The following WDR7 variants were observed in gnomAD, a reference collection of about 807,000 sequenced individuals.
WDR7 encodes the protein WD repeat-containing protein 7.
Under a neutral mutation model 169.4 loss-of-function variants are expected in WDR7, and 46 were observed. The ratio of observed to expected loss-of-function variants is 0.27; its 90% CI spans 0.21 to 0.35. The LOEUF (loss-of-function observed/expected upper bound fraction) is 0.35, where lower values mean the gene tolerates loss of function less well. WDR7 is among the 10% of genes least tolerant of loss of function. The pLI, the probability that WDR7 is intolerant of heterozygous loss-of-function variation, is 1.00. For missense variants in WDR7, 1,534 were observed against 1,859.3 expected (o/e 0.83, Z 3.22); for synonymous variants, 612 against 666.8 (o/e 0.92, Z 1.27).
intron 21 of WDR7, among the ~76,000 whole-genome samples, chr18:56,880,659 A>G (rs913262520): frequency 2.0e-5 from 3 of 152,240 alleles, no homozygotes; most frequent in Non-Finnish European, 4.4e-5. Context: ...TAATACATAT[A>G]AATAATACAT....
At chr18:56,735,737 C>T (rs1211264651) in intron 14 of WDR7, among the ~76,000 whole-genome samples, 1 of 152,122 alleles carries the variant, frequency 6.6e-6, no homozygotes, top group Non-Finnish European at 1.5e-5. Flanking sequence ...TTGTGGACTG[C>T]CTCTTTCACA....
chr18:57,027,118 G>A lies in WDR7; in HGVS notation c.4384G>A (p.Ala1462Thr). The change falls in exon 28 of 28, where the codon GCC (alanine) becomes ACC (threonine). Residue 1462 changes from alanine to threonine, a missense_variant. Transcript: ENST00000254442. The stretch of plus-strand genomic sequence containing the variant: ...GCCCGCGTCCCCCGGCTCCCACAAT[G>A]CCCTCAAGCTGGCCCGGCTCATCTG... ...VQPASPGSHN[A>T]LKLARLIWTS... The A allele has an allele frequency of 1.2e-6, 2 of 1,614,182 alleles. No individual in the cohort carries two copies. The highest frequency in any genetic ancestry group is 2.2e-5 in the South Asian group (2 of 91,088).
At chr18:56,987,891 A>G (rs2047747400) in intron 26 of WDR7, among the ~76,000 whole-genome samples, 1 of 152,226 alleles carries the variant, frequency 6.6e-6, no homozygotes, top group Non-Finnish European at 1.5e-5. Flanking sequence ...TCAAAGTTAA[A>G]TTTCATGTTA....
At chr18:56,765,429 T>C (rs1389211214) in intron 16 of WDR7, among the ~76,000 whole-genome samples, 3 of 152,086 alleles carry the variant, frequency 2.0e-5, no homozygotes, top group Admixed American at 2.0e-4. Flanking sequence ...TTTTAGAGTC[T>C]GTAGTCTATG....
rs2048420532 is a variant in WDR7, at chr18:57,029,680, G to A, written c.*2473G>A. On this transcript the variant is annotated 3_prime_UTR_variant, in exon 28 of 28. Transcript: ENST00000254442. ...ATTGAACTCCCTGTGTACAGCGAGT[G>A]AATTAAAATGTCTGCCTCTCCAGAC... 6.6e-6 allele frequency: 1 copy of A among 152,110 alleles called. No individual in the cohort carries two copies. The highest frequency in any genetic ancestry group is 1.5e-5 in the Non-Finnish European group (1 of 68,028). The allele number at this position is 152,110 out of a possible 1,614,324, so 9.4% of individuals were successfully genotyped here.
intron 21 of WDR7, among the ~76,000 whole-genome samples, chr18:56,884,817 T>A (rs1417581041): frequency 6.6e-6 from 1 of 152,184 alleles, no homozygotes; most frequent in Non-Finnish European, 1.5e-5. Flanking sequence ...AAGCACCACC[T>A]CCTGGCTGGA....
At chr18:56,794,304 A>ATTTTTTTTTTCTTTTTTTTTTTTTT (rs2044544306) in intron 19 of WDR7, among the ~76,000 whole-genome samples, 1 of 49,466 alleles carries the variant, frequency 2.0e-5, no homozygotes, top group African/African-American at 6.6e-5. Context: ...GGTAAAGTCT[A>ATTTTTTTTTTCTTTTTTTTTTTTTT]TTTTTTTTTT....
At chr18:56,931,450 C>T (rs1294722352) in intron 22 of WDR7, among the ~76,000 whole-genome samples, 2 of 152,136 alleles carry the variant, frequency 1.3e-5, no homozygotes, top group Non-Finnish European at 2.9e-5. Context: ...CAATTCAGTC[C>T]AATAGCTAGC....
chr18:56,895,761 A>G (rs1307222244), intron 21 of WDR7, among the ~76,000 whole-genome samples: 1 of 151,844 alleles, frequency 6.6e-6, no homozygotes, highest in Non-Finnish European at 1.5e-5. Context: ...AGAATATACT[A>G]CCGAGGGAAC....
At chr18:56,972,717 A>G (rs1340731364) in intron 26 of WDR7, among the ~76,000 whole-genome samples, 1 of 152,220 alleles carries the variant, frequency 6.6e-6, no homozygotes, top group African/African-American at 2.4e-5. Flanking sequence ...ATCCAGAACA[A>G]TGCCTGAAAT....
At chr18:56,932,094 T>G (rs556712618) in intron 22 of WDR7, among the ~76,000 whole-genome samples, 1 of 152,178 alleles carries the variant, frequency 6.6e-6, no homozygotes, top group African/African-American at 2.4e-5. Context: ...GACACAAGGT[T>G]TCTCCCTATG....
Position 56,800,002 on chromosome 18 carries a change from T to G in WDR7, c.3191-16029T>G, listed in dbSNP as rs370747082. Among the ~76,000 whole-genome samples the G allele has an allele frequency of 3.0e-4, 46 of 152,218 alleles. 1 individual carries two copies. Among genetic ancestry groups the G allele is most frequent in the African/African-American group, 1.1e-3 (46 of 41,538 alleles). On this transcript the variant is annotated intron_variant, in intron 19 of 27. Coordinates refer to ENST00000254442, the MANE Select transcript of WDR7 (RefSeq NM_015285.3). ...AGAAATTAGAGTTGTAGCCTAAGAG[T>G]AGGCTGCCTTGTTTAAAAATAGACT...
chr18:56,870,655 A>G (rs141405697), intron 20 of WDR7, among the ~76,000 whole-genome samples: 1,584 of 152,282 alleles, frequency 0.01, 14 homozygotes, highest in Non-Finnish European at 0.013. Context: ...AGGTGTATCA[A>G]TTAATTAATT....
In WDR7 at chr18:56,752,392, G is replaced by A. The variant is rs1447446491; in HGVS notation, c.1990-4191G>A. Among the ~76,000 whole-genome samples the A allele has an allele frequency of 4.6e-5, 7 of 152,052 alleles. No individual in the cohort carries two copies. The East Asian group carries it at 7.7e-4, about 17-fold the overall frequency. On this transcript the variant is annotated intron_variant, in intron 14 of 27. Coordinates refer to ENST00000254442, the MANE Select transcript of WDR7 (RefSeq NM_015285.3). ...TTCCATGCGGGTTTCCCGGTCACCC[G>A]AGATGGAGCTGGTACTTTCTCCATT...
rs777125561 is a variant in WDR7 at position 56,731,464 on chromosome 18, A to C, written c.1856A>C (p.Asp619Ala). ...GATGAAGCTGTTCCTGCTGCTGTTG[A>C]TTCACTTAGTCATCCAGCAGTCAAC... is the stretch of plus-strand genomic sequence containing the variant. ...ACDEAVPAAV[D>A]SLSHPAVNLK... Residue 619 changes from aspartate to alanine, a missense_variant, in exon 14 of 28, where the codon GAT becomes GCT. Coordinates refer to ENST00000254442, the MANE Select transcript of WDR7 (RefSeq NM_015285.3). The C allele has an allele frequency of 1.2e-6, 2 of 1,614,150 alleles. No individual in the cohort carries two copies. Among genetic ancestry groups the C allele is most frequent in the Non-Finnish European group, 1.7e-6 (2 of 1,180,018 alleles).
At chr18:57,013,582 A>G (rs546281499) in intron 26 of WDR7, among the ~76,000 whole-genome samples, 1 of 152,382 alleles carries the variant, frequency 6.6e-6, no homozygotes, top group South Asian at 2.1e-4. Context: ...GAATTAGTAA[A>G]TTGGAGAAGA....
intron 4 of WDR7, 31 bp downstream of exon 4, chr18:56,681,422 A>C: frequency 7.5e-7 from 1 of 1,325,114 alleles, no homozygotes; most frequent in South Asian, 1.4e-5. Context: ...CTCTAAGTAC[A>C]AACTATTATA....
In WDR7 at chr18:56,779,484, T is replaced by C. The variant is rs1402634157; in HGVS notation, c.3001T>C (p.Leu1001=). Residue 1001 remains leucine (L), a synonymous_variant, in exon 18 of 28, where the codon TTG becomes CTG. Coordinates refer to ENST00000254442, the MANE Select transcript of WDR7 (RefSeq NM_015285.3). ...HCVMLPDLLG[L]DKFRPPLLEM... is the part of the protein sequence containing the mutation. ...TGTTATGCTGCCAGACCTACTGGGA[T>C]TGGATAAATTTAGGCCTCCCCTTCT... 16 of 1,613,816 alleles carry C rather than the reference T, an allele frequency of 9.9e-6. No individual in the cohort carries two copies. The highest frequency in any genetic ancestry group is 5.5e-5 in the South Asian group (5 of 91,060).
intron 13 of WDR7, among the ~76,000 whole-genome samples, chr18:56,725,115 T>C (rs79162108): frequency 2.0e-5 from 3 of 150,640 alleles, no homozygotes; most frequent in Non-Finnish European, 2.9e-5. Context: ...AATAAACATA[T>C]GTGTGCATGT....
Sources: allele counts gnomAD v4.1 joint callset (sites outside exome capture counted in the v4.1 genomes callset), GRCh38; gene constraint gnomAD v4.1.1; transcripts MANE v1.5; gene names NCBI Gene and HGNC (gene_info 2026-07-23, HGNC 2026-07-21).